The following ZMAT3 variants were observed in gnomAD, a reference collection of about 807,000 sequenced individuals.
The protein encoded by ZMAT3 is zinc finger matrin-type protein 3.
A neutral mutation model predicts 32.3 loss-of-function variants in ZMAT3; 17 were observed. That is an observed-to-expected ratio of 0.53 (90% CI 0.36 to 0.79). The LOEUF (loss-of-function observed/expected upper bound fraction) is 0.79. ZMAT3 is among the 30% of genes least tolerant of loss of function. ZMAT3 has a pLI of 0.00. For synonymous variants in ZMAT3, 120 were observed against 133.1 expected (o/e 0.90, Z 0.68); for missense variants, 329 against 359.7 (o/e 0.91, Z 0.69).
At chr3:179,042,140 G>C (rs566522489) in intron 2 of ZMAT3, among the ~76,000 whole-genome samples, 1 of 152,090 alleles carries the variant, frequency 6.6e-6, no homozygotes, top group Admixed American at 6.6e-5. Context: ...ATTCACAGCC[G>C]AATTCTACCA....
chr3:179,027,883 T>C lies in ZMAT3; in HGVS notation c.391-71A>G, dbSNP rs1031006134. 10 of 1,480,044 alleles carry C rather than the reference T, an allele frequency of 6.8e-6. No individual in the cohort carries two copies. The Admixed American group carries it at 7.3e-5, about 11-fold the overall frequency. The allele number at this position is 1,480,044 out of a possible 1,614,324, so 91.7% of individuals were successfully genotyped here. A position where few individuals can be genotyped will look rare whatever the true frequency, so the allele number is the denominator to read the frequency against. On this transcript the variant is annotated intron_variant, in intron 3 of 5. Coordinates refer to ENST00000311417, the MANE Select transcript of ZMAT3 (RefSeq NM_022470.4). ...AGTTTCCTCCTTCTCCTCAAAGGTCTTTCTAAGAGCTGAAAAACAACCAAA... is the reference window on the plus strand; with the variant it reads ...AGTTTCCTCCTTCTCCTCAAAGGTCCTTCTAAGAGCTGAAAAACAACCAAA...
intron 2 of ZMAT3, among the ~76,000 whole-genome samples, chr3:179,049,652 G>A (rs1461289613): frequency 6.6e-6 from 1 of 152,168 alleles, no homozygotes; most frequent in Non-Finnish European, 1.5e-5. Context: ...GAAAACCTCT[G>A]TGATACAGCA....
chr3:179,049,852 C>T (rs9990319), intron 2 of ZMAT3, among the ~76,000 whole-genome samples: 92,565 of 151,292 alleles, frequency 0.61, 28,479 homozygotes, highest in East Asian at 0.8. Context: ...ATTAGCTGGG[C>T]GTGGTGGTGG....
intron 2 of ZMAT3, among the ~76,000 whole-genome samples, chr3:179,058,836 A>AAACT (rs1162219988): frequency 1.6e-3 from 200 of 122,962 alleles, no homozygotes; most frequent in Non-Finnish European, 2.8e-3. Flanking sequence ...GGAATACTTG[A>AAACT]AAGTAATTCC....
intron 2 of ZMAT3, among the ~76,000 whole-genome samples, chr3:179,036,654 T>C (rs1719609649): frequency 6.6e-6 from 1 of 152,074 alleles, no homozygotes; most frequent in African/African-American, 2.4e-5. Flanking sequence ...GGGAAGAAGA[T>C]AGAGTCAACA....
In ZMAT3 at chr3:179,023,523, T is replaced by C. The variant is rs1208260882; in HGVS notation, c.*1494A>G. On this transcript the variant is annotated 3_prime_UTR_variant, in exon 6 of 6. Coordinates refer to ENST00000311417, the MANE Select transcript of ZMAT3 (RefSeq NM_022470.4). ...ACCAGACTGGCAAGACAGAGGAAAA[T>C]GTAAGTAAACCGTAAGAATCAGATT... is the stretch of plus-strand genomic sequence containing the variant. 1 of 149,588 alleles carries C rather than the reference T, an allele frequency of 6.7e-6. No homozygotes were observed. Among genetic ancestry groups the C allele is most frequent in the East Asian group, 2.0e-4 (1 of 5,068 alleles). 9.3% of individuals were successfully genotyped at this position (149,588 alleles called of 1,614,324 possible).
chr3:179,032,154 C>T (rs1264422256), intron 2 of ZMAT3, among the ~76,000 whole-genome samples: 2 of 151,016 alleles, frequency 1.3e-5, no homozygotes, highest in Non-Finnish European at 3.0e-5. Context: ...AGGTGTGCGC[C>T]GCCACGCCTG....
At chr3:179,036,535 G>C (rs560830227) in intron 2 of ZMAT3, among the ~76,000 whole-genome samples, 1 of 152,232 alleles carries the variant, frequency 6.6e-6, no homozygotes, top group East Asian at 1.9e-4. Flanking sequence ...AAGAAGGTAA[G>C]AACAAGTAAT....
chr3:179,033,154 T>A (rs1399864151), intron 2 of ZMAT3, among the ~76,000 whole-genome samples: 1 of 152,262 alleles, frequency 6.6e-6, no homozygotes, highest in African/African-American at 2.4e-5. Flanking sequence ...AAAATTCTTC[T>A]GCCTTGGGCT....
At chr3:179,059,562 A>G (rs942465334) in intron 2 of ZMAT3, among the ~76,000 whole-genome samples, 6 of 152,192 alleles carry the variant, frequency 3.9e-5, no homozygotes, top group African/African-American at 1.4e-4. Context: ...CTCCTTGTTA[A>G]GTTTGTCTCT....
At chr3:179,056,488 G>A (rs369757009) in intron 2 of ZMAT3, among the ~76,000 whole-genome samples, 65 of 152,182 alleles carry the variant, frequency 4.3e-4, no homozygotes, top group African/African-American at 1.4e-3. Context: ...GAAATAAGCC[G>A]CCCCCTTGTC....
chr3:179,070,790 G>C (rs1160905799), intron 1 of ZMAT3, among the ~76,000 whole-genome samples: 1 of 152,208 alleles, frequency 6.6e-6, no homozygotes, highest in Non-Finnish European at 1.5e-5. Context: ...CGACATTAAA[G>C]AAAATCAAAG....
At chr3:179,030,507 A>G (rs1344535223) in intron 3 of ZMAT3, among the ~76,000 whole-genome samples, 4 of 151,976 alleles carry the variant, frequency 2.6e-5, no homozygotes, top group Admixed American at 6.6e-5. Context: ...GGTGCCCGCC[A>G]CCACGCCTGG....
In ZMAT3 at chr3:179,032,888, C is replaced by T. The variant is rs193060023; in HGVS notation, c.271-1889G>A. On this transcript the variant is annotated intron_variant, in intron 2 of 5. Transcript: ENST00000311417. ...AGGTGGGGGGCAGCCCCCGCCCGGC[C>T]GCTACACCGTCTGGGAGGTGGGGGG... Among the ~76,000 whole-genome samples the T allele has an allele frequency of 1.1e-4, 16 of 151,610 alleles. No homozygotes were observed. In the East Asian group the frequency reaches 3.0e-3, roughly 28 times the overall value.
At chr3:179,051,587 C>T (rs1233769486) in intron 2 of ZMAT3, among the ~76,000 whole-genome samples, 7 of 152,062 alleles carry the variant, frequency 4.6e-5, no homozygotes, top group Non-Finnish European at 7.4e-5. Flanking sequence ...AAAAAGCAAT[C>T]CACAAATTCA....
At chr3:179,071,354 A>G (rs2108596691) in intron 1 of ZMAT3, 1 of 152,428 alleles carries the variant, frequency 6.6e-6, no homozygotes, top group East Asian at 1.9e-4. Context: ...GCCATCACGA[A>G]GGATGGAATC....
intron 2 of ZMAT3, among the ~76,000 whole-genome samples, chr3:179,062,858 C>G (rs951634705): frequency 6.6e-6 from 1 of 152,172 alleles, no homozygotes; most frequent in Non-Finnish European, 1.5e-5. Context: ...CAAGGTCCTA[C>G]AGCAAGTTAC....
intron 2 of ZMAT3, among the ~76,000 whole-genome samples, chr3:179,051,659 T>A (rs953007619): frequency 6.6e-6 from 1 of 152,058 alleles, no homozygotes; most frequent in South Asian, 2.1e-4. Flanking sequence ...AATACCATCA[T>A]CATTCTTCAC....
intron 2 of ZMAT3, among the ~76,000 whole-genome samples, chr3:179,051,850 A>C (rs1720580522): frequency 6.6e-6 from 1 of 152,220 alleles, no homozygotes; most frequent in African/African-American, 2.4e-5. Flanking sequence ...ATAAAACAGA[A>C]TAGAGAACCC....
Sources: gnomAD v4.1 joint callset for allele counts (sites outside exome capture counted in the v4.1 genomes callset) on GRCh38, gnomAD v4.1.1 for gene constraint, MANE v1.5 for transcripts, NCBI Gene and HGNC (gene_info 2026-07-23, HGNC 2026-07-21) for gene names.